The following DEGS1 variants were observed in gnomAD, a reference collection of about 807,000 sequenced individuals.
The protein encoded by DEGS1 is sphingolipid delta(4)-desaturase DES1.
Under a neutral mutation model 24.1 loss-of-function variants are expected in DEGS1, and 17 were observed. That is an observed-to-expected ratio of 0.70 (90% CI 0.48 to 1.06). DEGS1 has a LOEUF of 1.06. Ranked by LOEUF, DEGS1 falls within the 50% of genes least tolerant of loss-of-function variation. DEGS1 has a pLI of 0.00. For missense variants in DEGS1, 366 were observed against 408.9 expected (o/e 0.90, Z 0.91); for synonymous variants, 134 against 140.0 (o/e 0.96, Z 0.30).
chr1:224,185,981 G>A (rs1182059809), intron 1 of DEGS1, among the ~76,000 whole-genome samples: 1 of 151,966 alleles, frequency 6.6e-6, no homozygotes, highest in African/African-American at 2.4e-5. Context: ...CAAGAAGATC[G>A]CTTGAGGCCA....
chr1:224,186,988 G>C (rs1658412084), intron 1 of DEGS1, among the ~76,000 whole-genome samples: 1 of 152,104 alleles, frequency 6.6e-6, no homozygotes, highest in African/African-American at 2.4e-5. Flanking sequence ...CACATTAAAA[G>C]TTCATTTACA....
Position 224,192,412 on chromosome 1 carries a change from G to A in DEGS1, c.906G>A (p.Met302Ile). The A allele has an allele frequency of 6.2e-7, 1 of 1,613,254 alleles. No individual in the cohort carries two copies. The highest frequency in any genetic ancestry group is 1.1e-5 in the South Asian group (1 of 90,990). The change falls in exon 3 of 3, where the codon ATG (methionine) becomes ATA (isoleucine). Residue 302 changes from methionine to isoleucine, a missense_variant. By Grantham distance (10) the Met-to-Ile change is conservative. Transcript: ENST00000323699. ...TAAAAGTACTGTATGATTTTGTGAT[G>A]GATGATACAATAAGTCCCTACTCAA... ...SWIKVLYDFV[M>I]DDTISPYSRM...
chr1:224,189,554 GT>G (rs747318192), intron 1 of DEGS1, 22 bp from the exon 2 acceptor site: 1 of 1,531,156 alleles, frequency 6.5e-7, no homozygotes, highest in Non-Finnish European at 8.8e-7. Context: ...CTTAGTTCCT[GT>G]TTTTTTGTTT....
At chr1:224,184,660 C>G (rs1658331523) in intron 1 of DEGS1, among the ~76,000 whole-genome samples, 1 of 152,042 alleles carries the variant, frequency 6.6e-6, no homozygotes. Context: ...TACAGGTTCC[C>G]ACCACTACGC....
At chr1:224,185,299 G>A (rs1658351872) in intron 1 of DEGS1, among the ~76,000 whole-genome samples, 2 of 151,878 alleles carry the variant, frequency 1.3e-5, no homozygotes, top group Admixed American at 1.3e-4. Context: ...GGTAACTTTG[G>A]GTTCTTGAAT....
chr1:224,189,605 G>A lies in DEGS1; in HGVS notation c.111G>A (p.Met37Ile). 6.2e-7 allele frequency: 1 copy of A among 1,606,990 alleles called. No individual in the cohort carries two copies. Among genetic ancestry groups the A allele is most frequent in the Non-Finnish European group, 8.5e-7 (1 of 1,177,164 alleles). Residue 37 changes from methionine (M) to isoleucine (I), a missense_variant, in exon 2 of 3, where the codon ATG becomes ATA. Physicochemically the swap from Met to Ile is conservative, Grantham distance 10 (BLOSUM62 1). Coordinates refer to ENST00000323699, the MANE Select transcript of DEGS1 (RefSeq NM_003676.4). ...AGTATCCAGAGATAAAGTCCTTGAT[G>A]AAACCTGATCCCAATTTGATATGGA... ...LAKYPEIKSL[M>I]KPDPNLIWII... is the part of the protein sequence containing the mutation.
chr1:224,190,409 G>A (rs952523923), intron 2 of DEGS1, 90 bp downstream of exon 2: 26 of 1,220,102 alleles, frequency 2.1e-5, no homozygotes, highest in Middle Eastern at 3.0e-4. Context: ...CCAGGCTGGC[G>A]GGCAGTGGCA....
rs749166825 is a variant in DEGS1, at chr1:224,190,345, CTAATTT to C, written c.825+28_825+33del. 2.8e-6 allele frequency: 4 copies of C among 1,445,616 alleles called. No individual in the cohort carries two copies. In the African/African-American group the frequency reaches 5.8e-5, roughly 21 times the overall value. 89.5% of individuals were successfully genotyped at this position (1,445,616 alleles called of 1,614,324 possible). A position where few individuals can be genotyped will look rare whatever the true frequency, so the allele number is the denominator to read the frequency against. ...GTAAGTAAAGGATTTGATACATATT[CTAATTT>C]TGTTTTTTCATTTGTTTGTTTTTTG... On this transcript the variant is annotated intron_variant, in intron 2 of 2. Transcript: ENST00000323699.
At chr1:224,192,078 T>A (rs757548041) in intron 2 of DEGS1, among the ~76,000 whole-genome samples, 1 of 152,172 alleles carries the variant, frequency 6.6e-6, no homozygotes. Flanking sequence ...AAGCCAGATA[T>A]TTAGTCCCTT....
intron 2 of DEGS1, among the ~76,000 whole-genome samples, chr1:224,191,994 G>A (rs1343685558): frequency 1.3e-5 from 2 of 152,114 alleles, no homozygotes; most frequent in South Asian, 2.1e-4. Flanking sequence ...ATTCTATGGC[G>A]TCATCCATGC....
chr1:224,184,099 G>A (rs1658312885), intron 1 of DEGS1, among the ~76,000 whole-genome samples: 1 of 152,232 alleles, frequency 6.6e-6, no homozygotes, highest in African/African-American at 2.4e-5. Flanking sequence ...TAAGAACGGC[G>A]GATTCGTAGG....
intron 1 of DEGS1, among the ~76,000 whole-genome samples, chr1:224,184,648 A>T (rs1002903146): frequency 6.6e-6 from 1 of 151,998 alleles, no homozygotes; most frequent in Admixed American, 6.6e-5. Context: ...AGTAGCTGGG[A>T]TTACAGGTTC....
At chr1:224,187,992 G>A (rs1658438658) in intron 1 of DEGS1, among the ~76,000 whole-genome samples, 1 of 149,308 alleles carries the variant, frequency 6.7e-6, no homozygotes, top group African/African-American at 2.5e-5. Flanking sequence ...ACAGGGTCCT[G>A]TTATGTTGCC....
chr1:224,184,830 T>A (rs1176449542), intron 1 of DEGS1, among the ~76,000 whole-genome samples: 1 of 152,030 alleles, frequency 6.6e-6, no homozygotes, highest in East Asian at 1.9e-4. Flanking sequence ...CACGAGCTTT[T>A]TAACCTCTGT....
At position 224,183,248 on chromosome 1, in the gene DEGS1, A is replaced by G; in HGVS notation, c.-89A>G. The G allele has an allele frequency of 8.9e-6, 11 of 1,233,316 alleles. No homozygotes were observed. Among genetic ancestry groups the G allele is most frequent in the Non-Finnish European group, 9.9e-6 (9 of 913,410 alleles). 76.4% of individuals were successfully genotyped at this position (1,233,316 alleles called of 1,614,324 possible). A position where few individuals can be genotyped will look rare whatever the true frequency, so the allele number is the denominator to read the frequency against. ...CGCCACAGCCGGCCGACACCACACC[A>G]GCCGGGGAGCCGCCGCCGCCGCCGC... is the stretch of plus-strand genomic sequence containing the variant. On this transcript the variant is annotated 5_prime_UTR_variant, in exon 1 of 3. Coordinates refer to ENST00000323699, the MANE Select transcript of DEGS1 (RefSeq NM_003676.4).
At chr1:224,183,759 G>C (rs529759926) in intron 1 of DEGS1, 1 of 199,658 alleles carries the variant, frequency 5.0e-6, no homozygotes, top group African/African-American at 2.3e-5. Context: ...AGATCTTTTC[G>C]CTAGAAGATT....
At chr1:224,184,003 T>C (rs574951681) in intron 1 of DEGS1, among the ~76,000 whole-genome samples, 6 of 152,336 alleles carry the variant, frequency 3.9e-5, no homozygotes, top group African/African-American at 7.2e-5. Flanking sequence ...CGTCCCTCCA[T>C]ATGCCCCCCG....
chr1:224,189,832 AT>A lies in DEGS1; in HGVS notation c.339del (p.Leu114PhefsTer29). The A allele has an allele frequency of 6.2e-7, 1 of 1,614,202 alleles. No homozygotes were observed. The highest frequency in any genetic ancestry group is 8.5e-7 in the Non-Finnish European group (1 of 1,180,036). ...MWNRWFGMFA[N>X]LPIGIPYSIS... ...AATCGCTGGTTTGGAATGTTTGCTAATCTTCCTATTGGGATTCCATATTCAA... is the reference window on the plus strand; with the variant it reads ...AATCGCTGGTTTGGAATGTTTGCTAACTTCCTATTGGGATTCCATATTCAA... On this transcript the variant is annotated frameshift_variant, in exon 2 of 3. Transcript: ENST00000323699. LOFTEE classifies it high-confidence loss of function.
At chr1:224,183,660 G>A (rs1245133738) in intron 1 of DEGS1, 1 of 320,994 alleles carries the variant, frequency 3.1e-6, no homozygotes, top group Non-Finnish European at 5.6e-6. Context: ...GCGAAGAGGC[G>A]CAGGCGCGTC....
Sources: allele counts gnomAD v4.1 joint callset (sites outside exome capture counted in the v4.1 genomes callset), GRCh38; gene constraint gnomAD v4.1.1; transcripts MANE v1.5; gene names NCBI Gene and HGNC (gene_info 2026-07-23, HGNC 2026-07-21).